ATRX: variants seen among roughly 807,000 people sequenced by gnomAD.
ATRX encodes chromatin remodeler ATRX.
A neutral mutation model predicts 172.6 loss-of-function variants in ATRX; 12 were observed. The ratio of observed to expected loss-of-function variants is 0.07; its 90% confidence interval spans 0.04 to 0.11. The LOEUF (loss-of-function observed/expected upper bound fraction) is 0.11. Among genes scored for constraint, ATRX ranks in the 10% least tolerant of loss-of-function variants. The pLI is 1.00. For missense variants in ATRX, 1,368 were observed against 1,767.4 expected (o/e 0.77, Z 4.05); for synonymous variants, 674 against 594.7 (o/e 1.13, Z -1.94).
At chrX:77,677,030 G>T (rs782670349) in intron 9 of ATRX, among the ~76,000 whole-genome samples, 1 of 109,531 alleles carries the variant, frequency 9.1e-6, no homozygotes, top group Non-Finnish European at 1.9e-5. Flanking sequence ...GCTGAGGCAG[G>T]AGAATCACTT....
At position 77,638,275 on chromosome X, in the gene ATRX, A is replaced by C. The variant is rs782594307; in HGVS notation, c.4558-2219T>G. On this transcript the variant is annotated intron_variant, in intron 15 of 34. Coordinates refer to ENST00000373344, the MANE Select transcript of ATRX (RefSeq NM_000489.6). The stretch of plus-strand genomic sequence containing the variant: ...TCAGGAGTTTGAGACCAACCTGGTC[A>C]ATATGGTGAAATCCCATCTCTACTA... Among the ~76,000 whole-genome samples the C allele has an allele frequency of 3.5e-4, 39 of 112,193 alleles. 1 individual carries two copies. Among genetic ancestry groups the C allele is most frequent in the Admixed American group, 3.1e-3 (33 of 10,682 alleles).
rs186123317 is a variant in ATRX, at chrX:77,652,520, G to A, written c.4318-167C>T. On this transcript the variant is annotated intron_variant, in intron 14 of 34. Coordinates refer to ENST00000373344, the MANE Select transcript of ATRX (RefSeq NM_000489.6). ...ATTAAAAAAAAAAAAACAACTCTTC[G>A]GCCGGGCACGGTGGCTCACACCTAT... Among the ~76,000 whole-genome samples the A allele has an allele frequency of 3.7e-3, 401 of 107,290 alleles. 1 individual carries two copies. The highest frequency in any genetic ancestry group is 0.013 in the African/African-American group (377 of 29,478). 93.2% of individuals were successfully genotyped at this position (107,290 alleles called of 115,157 possible). A position where few individuals can be genotyped will look rare whatever the true frequency, so the allele number is the denominator to read the frequency against.
chrX:77,758,127 G>A (rs886162133), intron 1 of ATRX, among the ~76,000 whole-genome samples: 33 of 104,895 alleles, frequency 3.1e-4, no homozygotes, highest in Middle Eastern at 5.5e-3. Flanking sequence ...GGTGGCTCAC[G>A]CCTGTAATCC....
At chrX:77,511,719 A>G (rs955816358) in intron 34 of ATRX, among the ~76,000 whole-genome samples, 1 of 112,069 alleles carries the variant, frequency 8.9e-6, no homozygotes, top group Non-Finnish European at 1.9e-5. Flanking sequence ...CCGATCAAGG[A>G]GAAGAAAGAA....
At chrX:77,558,563 T>C in intron 29 of ATRX, 106 bp downstream of exon 29, 1 of 741,327 alleles carries the variant, frequency 1.3e-6, no homozygotes, top group South Asian at 2.7e-5. Context: ...AGAAATGGTA[T>C]TTCCAACTTT....
chrX:77,656,508 G>T (rs1200219467), intron 13 of ATRX, 52 bp downstream of exon 13: 66 of 906,502 alleles, frequency 7.3e-5, no homozygotes, highest in Non-Finnish European at 1.0e-4. Context: ...TCATTTGAAG[G>T]CATGGTCATT....
Position 77,683,878 on chromosome X carries a change from A to T in ATRX, c.1378T>A (p.Ser460Thr), listed in dbSNP as rs2148624205. The change falls in exon 9 of 35, where the codon TCA (serine) becomes ACA (threonine). Residue 460 changes from serine (S) to threonine (T), a missense_variant. Coordinates refer to ENST00000373344, the MANE Select transcript of ATRX (RefSeq NM_000489.6). ...CALEKKDISKSEAKLSRKQVD... is the reference protein window; with the variant it reads ...CALEKKDISKTEAKLSRKQVD... ...TGTTTTCTTGAAAGTTTAGCTTCTG[A>T]CTTTGAAATATCCTTCTTTTCCAAA... 1 of 1,208,860 alleles carries T rather than the reference A, an allele frequency of 8.3e-7. No homozygotes were observed. The highest frequency in any genetic ancestry group is 1.1e-6 in the Non-Finnish European group (1 of 893,204).
intron 1 of ATRX, among the ~76,000 whole-genome samples, chrX:77,747,044 C>A (rs782550659): frequency 6.3e-5 from 7 of 110,473 alleles, no homozygotes; most frequent in Admixed American, 1.9e-4. Flanking sequence ...CGTGATCCAC[C>A]CGCTTCGGCC....
chrX:77,636,476 G>A (rs945259870), intron 15 of ATRX, among the ~76,000 whole-genome samples: 3 of 111,302 alleles, frequency 2.7e-5, no homozygotes, highest in African/African-American at 9.8e-5. Context: ...CCCGGAAGCA[G>A]AAGCCACTAT....
At chrX:77,522,939 T>C (rs1557042191) in intron 31 of ATRX, among the ~76,000 whole-genome samples, 1 of 111,873 alleles carries the variant, frequency 8.9e-6, no homozygotes, top group East Asian at 2.8e-4. Flanking sequence ...TGTTTGTTAC[T>C]ACAGAGAGGG....
intron 1 of ATRX, among the ~76,000 whole-genome samples, chrX:77,752,344 T>A (rs1466212910): frequency 8.9e-6 from 1 of 112,294 alleles, no homozygotes; most frequent in East Asian, 2.8e-4. Context: ...GAGACTTTGC[T>A]GAAGTTGCTT....
intron 27 of ATRX, among the ~76,000 whole-genome samples, chrX:77,577,701 T>A (rs2065671932): frequency 9.0e-6 from 1 of 111,467 alleles, no homozygotes; most frequent in African/African-American, 3.3e-5. Flanking sequence ...ATAATTAAGC[T>A]CAATGCTTTA....
chrX:77,705,498 T>C (rs1045148602), intron 2 of ATRX, among the ~76,000 whole-genome samples: 9 of 112,044 alleles, frequency 8.0e-5, no homozygotes, highest in African/African-American at 2.6e-4. Context: ...TCACCAATAC[T>C]CCACAAACTA....
Position 77,574,235 on chromosome X carries a change from GA to G in ATRX, c.6326+14del. Reference sequence around the variant, plus strand: ...TTATTTTAATGTTTCTACATATACAGAAAATTTTTCCTACCTCACATTAGTT... The same window carrying G: ...TTATTTTAATGTTTCTACATATACAGAAATTTTTCCTACCTCACATTAGTT... On this transcript the variant is annotated intron_variant, in intron 28 of 34. Transcript: ENST00000373344. 1.8e-6 allele frequency: 2 copies of G among 1,095,877 alleles called. No individual in the cohort carries two copies. Among genetic ancestry groups the G allele is most frequent in the Non-Finnish European group, 2.5e-6 (2 of 792,795 alleles). The allele number at this position is 1,095,877 out of a possible 1,213,427, so 90.3% of individuals were successfully genotyped here. A position where few individuals can be genotyped will look rare whatever the true frequency, so the allele number is the denominator to read the frequency against.
chrX:77,637,939 C>CAAAAAAA (rs373944111), intron 15 of ATRX, among the ~76,000 whole-genome samples: 22 of 42,827 alleles, frequency 5.1e-4, no homozygotes, highest in Non-Finnish European at 7.1e-4. Flanking sequence ...AGCTCCATCT[C>CAAAAAAA]AAAAAAAAAA....
intron 28 of ATRX, among the ~76,000 whole-genome samples, chrX:77,563,702 C>CATGT (rs2065094735): frequency 1.0e-5 from 1 of 95,491 alleles, no homozygotes; most frequent in South Asian, 5.5e-4. Context: ...TGTGTACATG[C>CATGT]GTGTGTGTGT....
chrX:77,656,428 C>A (rs2069556587), intron 13 of ATRX, 132 bp downstream of exon 13: 6 of 510,486 alleles, frequency 1.2e-5, no homozygotes, highest in Non-Finnish European at 1.7e-5. Context: ...TTAAGTATAA[C>A]AATTAGTTTC....
intron 1 of ATRX, among the ~76,000 whole-genome samples, chrX:77,773,608 T>C (rs1264713794): frequency 9.1e-6 from 1 of 109,998 alleles, no homozygotes; most frequent in Admixed American, 9.8e-5. Flanking sequence ...AAAAATTAGC[T>C]GGGCATGGTG....
chrX:77,661,572 T>A (rs935780572), intron 12 of ATRX, among the ~76,000 whole-genome samples: 1 of 109,905 alleles, frequency 9.1e-6, no homozygotes, highest in Non-Finnish European at 1.9e-5. Flanking sequence ...CAAAGAAGAG[T>A]TCATCTGCCA....
Sources: gnomAD v4.1 joint callset for allele counts (sites outside exome capture counted in the v4.1 genomes callset) on GRCh38, gnomAD v4.1.1 for gene constraint, MANE v1.5 for transcripts, NCBI Gene and HGNC (gene_info 2026-07-23, HGNC 2026-07-21) for gene names.